The following STK39 variants were observed in gnomAD, a reference collection of about 807,000 sequenced individuals.
The protein encoded by STK39 is STE20/SPS1-related proline-alanine-rich protein kinase.
A neutral mutation model predicts 77.8 loss-of-function variants in STK39; 20 were observed. The ratio of observed to expected loss-of-function variants is 0.26; its 90% CI spans 0.18 to 0.37. STK39 has a LOEUF of 0.37. Among genes scored for constraint, STK39 ranks in the 10% least tolerant of loss-of-function variants. STK39 has a pLI of 1.00. For synonymous variants in STK39, 246 were observed against 234.1 expected (o/e 1.05, Z -0.47); for missense variants, 479 against 656.5 (o/e 0.73, Z 2.95).
At chr2:168,168,249 C>G (rs1688737121) in intron 2 of STK39, among the ~76,000 whole-genome samples, 1 of 152,014 alleles carries the variant, frequency 6.6e-6, no homozygotes, top group Non-Finnish European at 1.5e-5. Context: ...AGAAATAAAA[C>G]AAAAGGAAAC....
intron 1 of STK39, among the ~76,000 whole-genome samples, chr2:168,220,935 CTT>C (rs1461857984): frequency 6.6e-6 from 1 of 152,084 alleles, no homozygotes; most frequent in African/African-American, 2.4e-5. Context: ...AGGTGGAAAT[CTT>C]TGGCTTCGAA....
intron 10 of STK39, among the ~76,000 whole-genome samples, chr2:168,076,200 A>G (rs1010263351): frequency 6.6e-6 from 1 of 152,162 alleles, no homozygotes; most frequent in African/African-American, 2.4e-5. Context: ...CAACCTCTTC[A>G]TTTTACAGAT....
At chr2:168,175,788 G>A (rs1036967271) in intron 2 of STK39, among the ~76,000 whole-genome samples, 1 of 152,234 alleles carries the variant, frequency 6.6e-6, no homozygotes, top group African/African-American at 2.4e-5. Flanking sequence ...TAGTTACAAA[G>A]CTAAGTTGCA....
intron 10 of STK39, among the ~76,000 whole-genome samples, chr2:168,099,830 C>T (rs1046464114): frequency 6.8e-6 from 1 of 147,390 alleles, no homozygotes; most frequent in Non-Finnish European, 1.5e-5. Flanking sequence ...CAGAAAAAAA[C>T]CATAATAGGA....
At chr2:168,182,179 A>T (rs13387668) in intron 1 of STK39, 89 bp from the exon 2 acceptor site, 1 of 1,008,428 alleles carries the variant, frequency 9.9e-7, no homozygotes. Flanking sequence ...CAATTTTTTT[A>T]AACTCTTCTA....
At chr2:168,057,112 CAT>C (rs1232550832) in intron 14 of STK39, among the ~76,000 whole-genome samples, 1 of 152,180 alleles carries the variant, frequency 6.6e-6, no homozygotes, top group East Asian at 1.9e-4. Context: ...TTCTATGACT[CAT>C]ATTTATTTAT....
chr2:168,167,471 G>C, intron 2 of STK39, 64 bp from the exon 3 acceptor site: 1 of 1,426,374 alleles, frequency 7.0e-7, no homozygotes, highest in Non-Finnish European at 9.9e-7. Flanking sequence ...AAACACAAGT[G>C]AATCACAGTT....
At chr2:168,039,830 T>C (rs903830213) in intron 14 of STK39, among the ~76,000 whole-genome samples, 1 of 152,220 alleles carries the variant, frequency 6.6e-6, no homozygotes, top group Non-Finnish European at 1.5e-5. Flanking sequence ...TTAAGTTTAT[T>C]TTAAAAATCA....
intron 14 of STK39, among the ~76,000 whole-genome samples, chr2:168,047,869 G>T (rs1225920181): frequency 2.0e-5 from 3 of 152,216 alleles, no homozygotes; most frequent in African/African-American, 7.2e-5. Flanking sequence ...GGCCAGGTAT[G>T]CTTGACAGCA....
chr2:168,235,938 A>G (rs2105270346), intron 1 of STK39, among the ~76,000 whole-genome samples: 1 of 152,216 alleles, frequency 6.6e-6, no homozygotes, highest in South Asian at 2.1e-4. Flanking sequence ...TCTTTATAGC[A>G]GAATGATTTA....
At chr2:168,170,272 G>A (rs533483127) in intron 2 of STK39, among the ~76,000 whole-genome samples, 3 of 152,082 alleles carry the variant, frequency 2.0e-5, no homozygotes, top group Non-Finnish European at 4.4e-5. Context: ...TGCCCTAACC[G>A]CATTCATATG....
chr2:168,198,012 T>C (rs922060012), intron 1 of STK39, among the ~76,000 whole-genome samples: 17 of 144,934 alleles, frequency 1.2e-4, no homozygotes, highest in East Asian at 2.0e-4. Context: ...CACTCCAGCC[T>C]GGGCAAAAAG....
chr2:168,043,056 A>G (rs1267593526), intron 14 of STK39, among the ~76,000 whole-genome samples: 6 of 152,146 alleles, frequency 3.9e-5, no homozygotes, highest in Non-Finnish European at 8.8e-5. Context: ...CACAGTTAAG[A>G]ACTATTATCT....
In STK39 at chr2:168,011,051, A is replaced by T. The variant is rs375032903; in HGVS notation, c.1498+1583T>A. Among the ~76,000 whole-genome samples the T allele has an allele frequency of 9.2e-5, 14 of 152,354 alleles. No homozygotes were observed. The East Asian group carries it at 2.7e-3, about 29-fold the overall frequency. On this transcript the variant is annotated intron_variant, in intron 16 of 17. Coordinates refer to ENST00000355999, the MANE Select transcript of STK39 (RefSeq NM_013233.3). ...GGTGGCTCACGCCTGTAATCCCAGC[A>T]CTCTGGGAGGCCAAGGCAGGCGGAT... is the stretch of plus-strand genomic sequence containing the variant.
intron 16 of STK39, among the ~76,000 whole-genome samples, chr2:167,996,234 C>T (rs1200914520): frequency 6.6e-6 from 1 of 152,142 alleles, no homozygotes; most frequent in Non-Finnish European, 1.5e-5. Flanking sequence ...TTTAAAAAAT[C>T]CTAGATTTAA....
intron 16 of STK39, among the ~76,000 whole-genome samples, chr2:167,968,577 T>C (rs756701634): frequency 6.6e-6 from 1 of 152,202 alleles, no homozygotes; most frequent in Non-Finnish European, 1.5e-5. Flanking sequence ...GAGTCTAATG[T>C]ACTACTTCCA....
chr2:168,224,748 G>A (rs1285537307), intron 1 of STK39, among the ~76,000 whole-genome samples: 1 of 152,200 alleles, frequency 6.6e-6, no homozygotes, highest in Non-Finnish European at 1.5e-5. Flanking sequence ...TTAAAACGCA[G>A]ATTCAAGACC....
At chr2:168,143,046 A>T (rs180700606) in intron 5 of STK39, among the ~76,000 whole-genome samples, 77 of 152,350 alleles carry the variant, frequency 5.1e-4, no homozygotes, top group African/African-American at 1.7e-3. Context: ...ATACAGCCAA[A>T]GGGAATGCAG....
intron 5 of STK39, among the ~76,000 whole-genome samples, chr2:168,146,901 T>C (rs569769083): frequency 6.6e-6 from 1 of 152,112 alleles, no homozygotes; most frequent in Non-Finnish European, 1.5e-5. Context: ...GATATTGGAA[T>C]TAAGAAAAGA....
Sources: gnomAD v4.1 joint callset for allele counts (sites outside exome capture counted in the v4.1 genomes callset) on GRCh38, gnomAD v4.1.1 for gene constraint, MANE v1.5 for transcripts, NCBI Gene and HGNC (gene_info 2026-07-23, HGNC 2026-07-21) for gene names.